The following ELMO1 variants were observed in gnomAD, a reference collection of about 807,000 sequenced individuals.
ELMO1 encodes the protein engulfment and cell motility protein 1.
A neutral mutation model predicts 98.9 loss-of-function variants in ELMO1; 26 were observed. The observed-to-expected ratio is 0.26, with a 90% confidence interval of 0.19 to 0.36. The LOEUF is 0.36. ELMO1 is among the 10% of genes least tolerant of loss of function. The probability of loss-of-function intolerance (pLI) is 1.00; values close to 1 mark genes in which losing one functional copy is unlikely to be tolerated. For synonymous variants in ELMO1, 346 were observed against 346.0 expected, an observed-to-expected ratio of 1.00 and a Z score of 0.00; for missense variants, 627 against 935.2, an observed-to-expected ratio of 0.67 and a Z score of 4.30.
At chr7:36,937,226 C>G (rs368873875) in intron 16 of ELMO1, among the ~76,000 whole-genome samples, 22 of 152,344 alleles carry the variant, frequency 1.4e-4, no homozygotes, top group African/African-American at 4.8e-4. Context: ...ACGATGCAGT[C>G]ATACTGGAGC....
intron 15 of ELMO1, among the ~76,000 whole-genome samples, chr7:37,030,521 C>T (rs1224661629): frequency 2.0e-5 from 3 of 152,098 alleles, no homozygotes; most frequent in Admixed American, 1.3e-4. Context: ...AATATGACAA[C>T]ATGGTTCTTA....
intron 1 of ELMO1, among the ~76,000 whole-genome samples, chr7:37,398,916 T>C (rs546128811): frequency 6.6e-6 from 1 of 152,322 alleles, no homozygotes; most frequent in South Asian, 2.1e-4. Flanking sequence ...ATGAGCATTA[T>C]TACAGCTTAG....
intron 16 of ELMO1, among the ~76,000 whole-genome samples, chr7:36,935,354 T>C (rs180821909): frequency 9.8e-5 from 15 of 152,286 alleles, no homozygotes; most frequent in African/African-American, 3.1e-4. Context: ...TGCCCAGTCT[T>C]GCATATATCT....
intron 15 of ELMO1, among the ~76,000 whole-genome samples, chr7:37,025,980 A>G (rs772118892): frequency 2.0e-5 from 3 of 151,694 alleles, no homozygotes; most frequent in Non-Finnish European, 4.4e-5. Flanking sequence ...CTAATACAAG[A>G]AGGAGGAGCA....
chr7:37,375,645 C>T, intron 1 of ELMO1: 1 of 1,202,386 alleles, frequency 8.3e-7, no homozygotes, highest in Non-Finnish European at 1.2e-6. Context: ...AGAATGTGCC[C>T]AACCTTCAGG....
At position 36,856,366 on chromosome 7, in the gene ELMO1, G is replaced by A. The variant is rs541340164; in HGVS notation, c.1984-615C>T. On this transcript the variant is annotated intron_variant, in intron 21 of 21. Coordinates refer to ENST00000310758, the MANE Select transcript of ELMO1 (RefSeq NM_014800.11). ...CTGCCCAGTGTCTGGCAGCCAAAATGGTTAAAATTATTGGGCAATCTTAAT... is the reference window on the plus strand; with the variant it reads ...CTGCCCAGTGTCTGGCAGCCAAAATAGTTAAAATTATTGGGCAATCTTAAT... 6.6e-5 allele frequency among the ~76,000 whole-genome samples: 10 copies of A among 152,286 alleles called. No homozygotes were observed. The South Asian group carries it at 2.1e-3, about 32-fold the overall frequency.
chr7:37,353,363 G>A (rs1010312954), intron 1 of ELMO1: 5 of 152,588 alleles, frequency 3.3e-5, no homozygotes, highest in African/African-American at 1.2e-4. Flanking sequence ...GTTTCTTCTG[G>A]GGGGTTCGTG....
At chr7:37,234,880 C>T (rs1046287271) in intron 7 of ELMO1, among the ~76,000 whole-genome samples, 6 of 152,172 alleles carry the variant, frequency 3.9e-5, no homozygotes, top group Admixed American at 3.9e-4. Flanking sequence ...AAATGTTTCA[C>T]CTTGTGTTAA....
chr7:37,101,838 G>A (rs1360816294), intron 14 of ELMO1, among the ~76,000 whole-genome samples: 3 of 151,978 alleles, frequency 2.0e-5, no homozygotes, highest in Non-Finnish European at 4.4e-5. Context: ...GTTAAAACAA[G>A]GTAGGTTATC....
intron 4 of ELMO1, among the ~76,000 whole-genome samples, chr7:37,304,219 T>C (rs1163235854): frequency 6.6e-6 from 1 of 152,070 alleles, no homozygotes; most frequent in East Asian, 1.9e-4. Flanking sequence ...TTAGTTTGAG[T>C]CACTATGAGC....
chr7:37,268,377 C>T (rs1405775016), intron 5 of ELMO1, among the ~76,000 whole-genome samples: 1 of 152,226 alleles, frequency 6.6e-6, no homozygotes, highest in East Asian at 1.9e-4. Context: ...TCTCAGCTCA[C>T]TGTAACCTCC....
intron 16 of ELMO1, among the ~76,000 whole-genome samples, chr7:36,901,191 T>C (rs925424443): frequency 6.6e-6 from 1 of 152,188 alleles, no homozygotes; most frequent in Non-Finnish European, 1.5e-5. Context: ...CTTTATAGTT[T>C]TGCCAGATCA....
At chr7:36,919,280 C>A in intron 16 of ELMO1, 1 of 460,018 alleles carries the variant, frequency 2.2e-6, no homozygotes, top group Non-Finnish European at 4.7e-6. Flanking sequence ...ATTACATTTC[C>A]CACAGCATAT....
At chr7:37,053,287 C>A (rs942519562) in intron 15 of ELMO1, among the ~76,000 whole-genome samples, 1 of 74,664 alleles carries the variant, frequency 1.3e-5, no homozygotes, top group Non-Finnish European at 2.9e-5. Flanking sequence ...TTTGTTAAAA[C>A]ACACACACAC....
chr7:36,996,970 G>A (rs1374616176), intron 16 of ELMO1, among the ~76,000 whole-genome samples: 2 of 152,222 alleles, frequency 1.3e-5, no homozygotes, highest in Non-Finnish European at 2.9e-5. Flanking sequence ...GAAGAAGAGA[G>A]AGCCAGAGGT....
intron 4 of ELMO1, 43 bp from the exon 5 acceptor site, chr7:37,271,925 C>T: frequency 6.3e-7 from 1 of 1,580,494 alleles, no homozygotes; most frequent in Non-Finnish European, 8.7e-7. Context: ...CAAGTAGAAG[C>T]TTGGTAAAGA....
rs1286503372 is a variant in ELMO1 at position 37,314,849 on chromosome 7, C to T, written c.192+1G>A. 6.2e-7 allele frequency: 1 copy of T among 1,612,580 alleles called. No homozygotes were observed. The highest frequency in any genetic ancestry group is 1.1e-5 in the South Asian group (1 of 90,846). On this transcript the variant is annotated splice_donor_variant, in intron 4 of 21. Transcript: ENST00000310758. LOFTEE classifies it high-confidence loss of function. ...CATATTAAATAATGTAGTTGACCTA[C>T]CTTTTCTGTGATATAGAAGTTTGAA...
chr7:36,996,942 A>C (rs1792260271), intron 16 of ELMO1, among the ~76,000 whole-genome samples: 2 of 152,186 alleles, frequency 1.3e-5, no homozygotes, highest in Admixed American at 1.3e-4. Context: ...CAGAATGTGG[A>C]GTTTTTCTAT....
At chr7:37,336,811 C>G (rs531371831) in intron 2 of ELMO1, among the ~76,000 whole-genome samples, 2 of 152,128 alleles carry the variant, frequency 1.3e-5, no homozygotes, top group South Asian at 4.2e-4. Context: ...CATGGAACAA[C>G]ATAGATGGCA....
Sources: gnomAD v4.1 joint callset for allele counts (sites outside exome capture counted in the v4.1 genomes callset) on GRCh38, gnomAD v4.1.1 for gene constraint, MANE v1.5 for transcripts, NCBI Gene and HGNC (gene_info 2026-07-23, HGNC 2026-07-21) for gene names.